The following MSH3 variants were observed in gnomAD, a reference collection of about 807,000 sequenced individuals.
MSH3 encodes DNA mismatch repair protein Msh3.
A neutral mutation model predicts 123.3 loss-of-function variants in MSH3; 106 were observed. That is an observed-to-expected ratio of 0.86 (90% CI 0.73 to 1.01). The LOEUF (loss-of-function observed/expected upper bound fraction) is 1.01, where lower values mean the gene tolerates loss of function less well. Ranked by LOEUF, MSH3 falls within the 50% of genes least tolerant of loss-of-function variation. MSH3 has a pLI of 0.00. For missense variants in MSH3, 1,459 were observed against 1,347.6 expected (o/e 1.08, Z -1.29); for synonymous variants, 515 against 481.4 (o/e 1.07, Z -0.91).
intron 7 of MSH3, among the ~76,000 whole-genome samples, chr5:80,676,097 C>G (rs1749833837): frequency 6.6e-6 from 1 of 152,190 alleles, no homozygotes; most frequent in Non-Finnish European, 1.5e-5. Flanking sequence ...ATGGCGTGAT[C>G]TTGGCTCACT....
intron 11 of MSH3, among the ~76,000 whole-genome samples, chr5:80,743,548 GGATTAAAAAAACCCGGCCGGGC>G (rs1376526489): frequency 6.8e-6 from 1 of 148,104 alleles, no homozygotes; most frequent in African/African-American, 2.5e-5. Context: ...AAAAAAGAAA[GGATTAAAAAAACCCGGCCGGGC>G]GCGGTGGCTC....
intron 8 of MSH3, among the ~76,000 whole-genome samples, chr5:80,715,882 A>T (rs1313188809): frequency 6.6e-6 from 1 of 152,178 alleles, no homozygotes. Flanking sequence ...ACTGGGGATT[A>T]CAATTTGATA....
intron 10 of MSH3, among the ~76,000 whole-genome samples, chr5:80,738,186 A>G (rs1400017274): frequency 6.6e-6 from 1 of 152,160 alleles, no homozygotes; most frequent in Non-Finnish European, 1.5e-5. Context: ...TTGATATTGC[A>G]GATATTTGGT....
In MSH3 at chr5:80,675,043, C is replaced by T. The variant is rs562793293; in HGVS notation, c.1088C>T (p.Thr363Ile). The change falls in exon 7 of 24, where the codon ACT (threonine) becomes ATT (isoleucine). Residue 363 changes from threonine to isoleucine, a missense_variant. By Grantham distance (89) the Thr-to-Ile change is moderately conservative. Coordinates refer to ENST00000265081, the MANE Select transcript of MSH3 (RefSeq NM_002439.5). The part of the protein sequence containing the change: ...AVNVDEIMTD[T>I]STSYLLCISE... ...AATGTTGATGAGATAATGACTGATA[C>T]TTCTACCAGCTATCTTCTGTGCATC... 6.2e-7 allele frequency: 1 copy of T among 1,613,106 alleles called. No individual in the cohort carries two copies. The highest frequency in any genetic ancestry group is 2.2e-5 in the East Asian group (1 of 44,782).
intron 17 of MSH3, among the ~76,000 whole-genome samples, chr5:80,786,304 T>G (rs972562023): frequency 1.3e-5 from 2 of 152,186 alleles, no homozygotes; most frequent in Non-Finnish European, 2.9e-5. Flanking sequence ...GAGTCTAGGC[T>G]CAATTGCTTT....
chr5:80,863,910 A>T (rs1746054726), intron 21 of MSH3, among the ~76,000 whole-genome samples: 1 of 152,160 alleles, frequency 6.6e-6, no homozygotes, highest in Admixed American at 6.5e-5. Flanking sequence ...AATGTTTCTT[A>T]TCAGACCTAA....
At chr5:80,792,675 T>G (rs564224668) in intron 18 of MSH3, 58 bp from the exon 19 acceptor site, 68 of 970,756 alleles carry the variant, frequency 7.0e-5, no homozygotes, top group East Asian at 1.9e-4. Context: ...TATCTTAGAG[T>G]TTTTTTTTTA....
intron 6 of MSH3, among the ~76,000 whole-genome samples, chr5:80,674,424 A>G (rs1470849270): frequency 6.6e-6 from 1 of 152,210 alleles, no homozygotes; most frequent in Non-Finnish European, 1.5e-5. Flanking sequence ...AAGGAAAATA[A>G]TTTACACCCT....
At chr5:80,706,102 C>T (rs1288781454) in intron 8 of MSH3, among the ~76,000 whole-genome samples, 1 of 152,086 alleles carries the variant, frequency 6.6e-6, no homozygotes, top group African/African-American at 2.4e-5. Context: ...CTTTTTTATT[C>T]ATTGAGCTAT....
intron 7 of MSH3, among the ~76,000 whole-genome samples, chr5:80,677,172 A>G (rs1272832497): frequency 1.3e-5 from 2 of 152,160 alleles, no homozygotes; most frequent in Admixed American, 6.5e-5. Context: ...CCCTGTCACA[A>G]TGGGTGTCAC....
intron 17 of MSH3, among the ~76,000 whole-genome samples, chr5:80,785,966 G>C (rs1171141471): frequency 8.1e-6 from 1 of 123,714 alleles, no homozygotes; most frequent in Non-Finnish European, 1.6e-5. Flanking sequence ...ACAGGAAGGG[G>C]AACATCACAC....
rs1744286851 is a variant in MSH3 at position 80,775,745 on chromosome 5, G to A, written c.2305G>A (p.Val769Ile). ...SAVSCIPTDW[V>I]KVGSTKAVSR... ...TGTATCTTGTATACCAACTGATTGG[G>A]TAAAGGTTGGAAGGTAGGTTTAAAA... Residue 769 changes from valine to isoleucine, a missense_variant, in exon 16 of 24, where the codon GTA becomes ATA. Transcript: ENST00000265081. 1.9e-6 allele frequency: 3 copies of A among 1,586,196 alleles called. No individual in the cohort carries two copies. The highest frequency in any genetic ancestry group is 1.1e-5 in the South Asian group (1 of 90,422).
At chr5:80,795,782 G>T (rs1019152253) in intron 19 of MSH3, among the ~76,000 whole-genome samples, 1 of 152,010 alleles carries the variant, frequency 6.6e-6, no homozygotes, top group Non-Finnish European at 1.5e-5. Context: ...AGAGGCCGAG[G>T]CAGGAGGATT....
intron 21 of MSH3, 121 bp from the exon 22 acceptor site, chr5:80,864,692 G>A (rs936887457): frequency 2.4e-5 from 20 of 821,482 alleles, no homozygotes; most frequent in African/African-American, 5.2e-5. Context: ...ATAATTGGTC[G>A]TTGTACTTTT....
intron 17 of MSH3, among the ~76,000 whole-genome samples, chr5:80,780,593 G>A (rs1472590887): frequency 1.3e-5 from 2 of 152,136 alleles, no homozygotes; most frequent in Non-Finnish European, 2.9e-5. Context: ...CAGGCCAGGC[G>A]CAGTGGCTCA....
intron 8 of MSH3, among the ~76,000 whole-genome samples, chr5:80,704,569 A>G (rs1313403812): frequency 2.0e-5 from 3 of 152,100 alleles, no homozygotes; most frequent in South Asian, 2.1e-4. Context: ...TGGAGTGATT[A>G]TGGTGCTTTT....
intron 21 of MSH3, among the ~76,000 whole-genome samples, chr5:80,860,902 A>T (rs1746004191): frequency 6.6e-6 from 1 of 152,058 alleles, no homozygotes; most frequent in African/African-American, 2.4e-5. Flanking sequence ...TTCTATTAAG[A>T]TGTCCTCAAG....
intron 3 of MSH3, among the ~76,000 whole-genome samples, chr5:80,669,086 G>A (rs887524076): frequency 2.6e-5 from 4 of 152,142 alleles, no homozygotes; most frequent in Non-Finnish European, 4.4e-5. Context: ...GCTGATCTTT[G>A]GAGGTTTGCT....
At chr5:80,824,143 A>C (rs1745248785) in intron 20 of MSH3, among the ~76,000 whole-genome samples, 1 of 151,956 alleles carries the variant, frequency 6.6e-6, no homozygotes, top group Non-Finnish European at 1.5e-5. Flanking sequence ...TTTTCCCCAC[A>C]TTTCCCCCTT....
Sources: allele counts gnomAD v4.1 joint callset (sites outside exome capture counted in the v4.1 genomes callset), GRCh38; gene constraint gnomAD v4.1.1; transcripts MANE v1.5; gene names NCBI Gene and HGNC (gene_info 2026-07-23, HGNC 2026-07-21).